The following PPP2R2B variants were observed in gnomAD, a reference collection of about 807,000 sequenced individuals.
PPP2R2B encodes protein phosphatase 2 regulatory subunit Bbeta.
PPP2R2B carries 5 observed loss-of-function variants against 46.0 expected under a neutral mutation model. The ratio of observed to expected loss-of-function variants is 0.11; its 90% CI spans 0.06 to 0.23. The LOEUF is 0.23. Ranked by LOEUF, PPP2R2B falls within the 10% of genes least tolerant of loss-of-function variation. PPP2R2B has a pLI of 1.00. For synonymous variants in PPP2R2B, 215 were observed against 206.7 expected (o/e 1.04, Z -0.34); for missense variants, 367 against 575.0 (o/e 0.64, Z 3.70).
intron 1 of PPP2R2B, among the ~76,000 whole-genome samples, chr5:147,023,982 G>C (rs1755406326): frequency 1.3e-5 from 2 of 152,220 alleles, no homozygotes; most frequent in Admixed American, 1.3e-4. Flanking sequence ...CAGTTCTCAG[G>C]TCCTGCACCT....
At chr5:147,079,434 TTATATATATACA>T (rs1757901941) in intron 2 of PPP2R2B, among the ~76,000 whole-genome samples, 1 of 80,966 alleles carries the variant, frequency 1.2e-5, no homozygotes, top group South Asian at 5.5e-4. Flanking sequence ...CACACACATT[TTATATATATACA>T]TATATATATA....
chr5:146,797,917 G>C (rs1174964867), intron 2 of PPP2R2B, among the ~76,000 whole-genome samples: 3 of 152,162 alleles, frequency 2.0e-5, no homozygotes, highest in African/African-American at 7.2e-5. Flanking sequence ...GCAGCCACAA[G>C]TGCCAGTAAG....
At chr5:146,991,465 A>T (rs1753695635) in intron 1 of PPP2R2B, among the ~76,000 whole-genome samples, 1 of 152,166 alleles carries the variant, frequency 6.6e-6, no homozygotes, top group African/African-American at 2.4e-5. Flanking sequence ...GCCAATAGGT[A>T]CAACATTACA....
intron 1 of PPP2R2B, among the ~76,000 whole-genome samples, chr5:147,036,853 C>A (rs944047241): frequency 6.6e-6 from 1 of 152,058 alleles, no homozygotes; most frequent in Non-Finnish European, 1.5e-5. Context: ...TAATTTGTGT[C>A]TAGATTAGCC....
At chr5:146,736,208 C>G (rs562314359) in intron 2 of PPP2R2B, among the ~76,000 whole-genome samples, 1 of 152,132 alleles carries the variant, frequency 6.6e-6, no homozygotes, top group African/African-American at 2.4e-5. Context: ...CCTTTTGACA[C>G]GATTTTAAGT....
intron 1 of PPP2R2B, among the ~76,000 whole-genome samples, chr5:146,909,543 T>C (rs1763110828): frequency 6.6e-6 from 1 of 152,216 alleles, no homozygotes; most frequent in South Asian, 2.1e-4. Flanking sequence ...TGGCATGAAA[T>C]ATTTTTAACC....
At position 146,876,093 on chromosome 5, in the gene PPP2R2B, T is replaced by A. The variant is rs141830838; in HGVS notation, c.70+1909A>T. Among the ~76,000 whole-genome samples, 175 of 152,320 alleles carry A rather than the reference T, an allele frequency of 1.1e-3. 1 individual carries two copies. The East Asian group carries it at 0.02, about 17-fold the overall frequency. ...GTTTGTTAGTTTTGAGTGTGATTAGTATGTGTGTGTGTTTGAGAAAGAGAA... is the reference window on the plus strand; with the variant it reads ...GTTTGTTAGTTTTGAGTGTGATTAGAATGTGTGTGTGTTTGAGAAAGAGAA... On this transcript the variant is annotated intron_variant, in intron 2 of 9. Transcript: ENST00000394411.
intron 1 of PPP2R2B, among the ~76,000 whole-genome samples, chr5:146,903,175 T>C (rs978638295): frequency 1.3e-5 from 2 of 152,208 alleles, no homozygotes; most frequent in Non-Finnish European, 2.9e-5. Flanking sequence ...AAGCATGCCA[T>C]TGATGTTAAT....
chr5:146,900,739 A>T (rs929903808), intron 1 of PPP2R2B, among the ~76,000 whole-genome samples: 7 of 152,096 alleles, frequency 4.6e-5, no homozygotes, highest in South Asian at 2.1e-4. Flanking sequence ...TTACCTAGGT[A>T]TTAAGCCGGG....
intron 2 of PPP2R2B, among the ~76,000 whole-genome samples, chr5:146,758,680 A>T (rs538547753): frequency 1.3e-5 from 2 of 152,148 alleles, no homozygotes; most frequent in Non-Finnish European, 2.9e-5. Context: ...GGAGCTTAAT[A>T]CCTACGGGTC....
At chr5:146,954,248 G>T (rs1181591654) in intron 1 of PPP2R2B, among the ~76,000 whole-genome samples, 1 of 151,884 alleles carries the variant, frequency 6.6e-6, no homozygotes, top group Non-Finnish European at 1.5e-5. Context: ...AATATATGAG[G>T]ATACTTTAAT....
intron 1 of PPP2R2B, among the ~76,000 whole-genome samples, chr5:147,038,216 C>A (rs889489899): frequency 6.6e-6 from 1 of 152,260 alleles, no homozygotes; most frequent in Middle Eastern, 3.4e-3. Flanking sequence ...ATTGAACAAG[C>A]AGGCCAAATC....
chr5:146,750,007 G>A (rs1352649074), intron 2 of PPP2R2B, among the ~76,000 whole-genome samples: 1 of 152,124 alleles, frequency 6.6e-6, no homozygotes, highest in Non-Finnish European at 1.5e-5. Context: ...GCCTATGGGA[G>A]TTCAATTGCA....
At chr5:146,760,797 T>C (rs527930906) in intron 2 of PPP2R2B, among the ~76,000 whole-genome samples, 1 of 152,204 alleles carries the variant, frequency 6.6e-6, no homozygotes, top group South Asian at 2.1e-4. Context: ...GCTGTTGAAG[T>C]TTACCAGGGG....
At chr5:146,667,999 G>T (rs184642846) in intron 5 of PPP2R2B, among the ~76,000 whole-genome samples, 1 of 152,146 alleles carries the variant, frequency 6.6e-6, no homozygotes, top group Non-Finnish European at 1.5e-5. Context: ...TCCCATATTC[G>T]TAATCACATC....
At chr5:147,029,918 C>T (rs1223403321) in intron 1 of PPP2R2B, among the ~76,000 whole-genome samples, 1 of 152,156 alleles carries the variant, frequency 6.6e-6, no homozygotes, top group African/African-American at 2.4e-5. Flanking sequence ...TTATGGCAGC[C>T]CCAGCTGACT....
chr5:146,814,055 C>T (rs989848640), intron 2 of PPP2R2B, among the ~76,000 whole-genome samples: 4 of 152,074 alleles, frequency 2.6e-5, no homozygotes, highest in Non-Finnish European at 1.5e-5. Context: ...GCCATGACTT[C>T]GGACACATAG....
chr5:146,838,533 T>G (rs1225975359), intron 2 of PPP2R2B, among the ~76,000 whole-genome samples: 1 of 143,352 alleles, frequency 7.0e-6, no homozygotes, highest in Admixed American at 7.3e-5. Flanking sequence ...ATTGTGCCAC[T>G]GCACTCCTGC....
chr5:146,708,898 T>C (rs1780057032), intron 2 of PPP2R2B, among the ~76,000 whole-genome samples: 1 of 152,210 alleles, frequency 6.6e-6, no homozygotes, highest in Non-Finnish European at 1.5e-5. Flanking sequence ...TAAATGGAAC[T>C]ATGTTTGAGT....
Sources: gnomAD v4.1 joint callset for allele counts (sites outside exome capture counted in the v4.1 genomes callset) on GRCh38, gnomAD v4.1.1 for gene constraint, MANE v1.5 for transcripts, NCBI Gene and HGNC (gene_info 2026-07-23, HGNC 2026-07-21) for gene names.